Variants in PDZRN3 observed in about 807,000 individuals in gnomAD.
PDZRN3 encodes the protein E3 ubiquitin-protein ligase PDZRN3.
A neutral mutation model predicts 85.7 loss-of-function variants in PDZRN3; 38 were observed. The observed-to-expected ratio is 0.44, with a 90% CI of 0.34 to 0.58. The LOEUF is 0.58. Among genes scored for constraint, PDZRN3 ranks in the 20% least tolerant of loss-of-function variants. The probability of loss-of-function intolerance (pLI) is 0.01; values close to 1 mark genes in which losing one functional copy is unlikely to be tolerated. For synonymous variants in PDZRN3, 759 were observed against 638.0 expected, an observed-to-expected ratio of 1.19 and a Z score of -2.86; for missense variants, 1,629 against 1,506.4, an observed-to-expected ratio of 1.08 and a Z score of -1.35.
At chr3:73,531,232 C>G (rs1704646435) in intron 3 of PDZRN3, among the ~76,000 whole-genome samples, 1 of 122,324 alleles carries the variant, frequency 8.2e-6, no homozygotes, top group Non-Finnish European at 1.6e-5. Context: ...GCCTGGGTGA[C>G]AGAGCGAGAC....
chr3:73,410,143 T>C (rs996382885), intron 3 of PDZRN3, among the ~76,000 whole-genome samples: 2 of 152,198 alleles, frequency 1.3e-5, no homozygotes, highest in African/African-American at 2.4e-5. Flanking sequence ...ATACACTATA[T>C]ACTGAAAAGT....
Position 73,473,473 on chromosome 3 carries a change from A to G in PDZRN3, c.919-69078T>C, listed in dbSNP as rs1293260947. On this transcript the variant is annotated intron_variant, in intron 3 of 9. Coordinates refer to ENST00000263666, the MANE Select transcript of PDZRN3 (RefSeq NM_015009.3). The stretch of plus-strand genomic sequence containing the variant: ...ATTGTTGGTGGCAAAGAGGAAAAAA[A>G]AAAACAGAAATTGGAGATACATAGG... Among the ~76,000 whole-genome samples the G allele has an allele frequency of 3.9e-5, 6 of 152,278 alleles. No homozygotes were observed. The East Asian group carries it at 7.7e-4, about 20-fold the overall frequency.
At chr3:73,511,722 A>ATC (rs1413611560) in intron 3 of PDZRN3, among the ~76,000 whole-genome samples, 2 of 152,208 alleles carry the variant, frequency 1.3e-5, no homozygotes, top group African/African-American at 4.8e-5. Context: ...CGGCTAACAA[A>ATC]TCCATGTATT....
At chr3:73,511,601 G>T (rs1026386841) in intron 3 of PDZRN3, among the ~76,000 whole-genome samples, 13 of 152,242 alleles carry the variant, frequency 8.5e-5, no homozygotes, top group African/African-American at 3.1e-4. Flanking sequence ...GAGGGGAACA[G>T]ATCTGGGGAT....
At chr3:73,399,724 C>G (rs1701712205) in intron 5 of PDZRN3, among the ~76,000 whole-genome samples, 1 of 152,086 alleles carries the variant, frequency 6.6e-6, no homozygotes, top group Non-Finnish European at 1.5e-5. Flanking sequence ...CAAGCAGAAA[C>G]AGTCAAGTTT....
chr3:73,506,809 C>CG (rs943615489), intron 3 of PDZRN3, among the ~76,000 whole-genome samples: 1 of 151,316 alleles, frequency 6.6e-6, no homozygotes, highest in African/African-American at 2.4e-5. Flanking sequence ...GGGAGGTTGA[C>CG]GCAGGAGGAT....
chr3:73,386,966 G>A (rs970479892), intron 8 of PDZRN3, among the ~76,000 whole-genome samples: 3 of 152,174 alleles, frequency 2.0e-5, no homozygotes, highest in African/African-American at 7.2e-5. Context: ...GAGGGACCTC[G>A]TGGGAGATAA....
chr3:73,549,521 T>C (rs1042962958), intron 3 of PDZRN3, among the ~76,000 whole-genome samples: 4 of 152,188 alleles, frequency 2.6e-5, no homozygotes, highest in African/African-American at 9.7e-5. Flanking sequence ...AAATGGACGA[T>C]GATGCAGCAA....
At chr3:73,454,810 C>T (rs1274553540) in intron 3 of PDZRN3, among the ~76,000 whole-genome samples, 1 of 151,728 alleles carries the variant, frequency 6.6e-6, no homozygotes, top group African/African-American at 2.4e-5. Context: ...AAAGCATGAA[C>T]AAATACTACA....
At chr3:73,509,008 A>T (rs1234546086) in intron 3 of PDZRN3, among the ~76,000 whole-genome samples, 2 of 152,206 alleles carry the variant, frequency 1.3e-5, no homozygotes, top group Admixed American at 6.5e-5. Flanking sequence ...CCAGGCTCTC[A>T]GCATTTATCT....
intron 3 of PDZRN3, among the ~76,000 whole-genome samples, chr3:73,595,860 G>A (rs577530537): frequency 1.3e-5 from 2 of 152,224 alleles, no homozygotes; most frequent in African/African-American, 4.8e-5. Flanking sequence ...TTATTATCGT[G>A]GTACATGTGT....
At chr3:73,550,388 C>A (rs926372106) in intron 3 of PDZRN3, among the ~76,000 whole-genome samples, 1 of 152,176 alleles carries the variant, frequency 6.6e-6, no homozygotes, top group Non-Finnish European at 1.5e-5. Context: ...CCTGGCTGCA[C>A]ATTATAATCA....
At chr3:73,460,536 G>T (rs1703082006) in intron 3 of PDZRN3, among the ~76,000 whole-genome samples, 1 of 152,190 alleles carries the variant, frequency 6.6e-6, no homozygotes, top group South Asian at 2.1e-4. Flanking sequence ...TACAAAGTAA[G>T]AAATTTAAAA....
intron 3 of PDZRN3, among the ~76,000 whole-genome samples, chr3:73,515,091 G>A (rs1262034136): frequency 6.6e-6 from 1 of 151,604 alleles, no homozygotes; most frequent in African/African-American, 2.4e-5. Flanking sequence ...AGAAACAAAG[G>A]ACTCCAAGGA....
In PDZRN3 at chr3:73,481,947, G is replaced by A. The variant is rs533883323; in HGVS notation, c.919-77552C>T. Among the ~76,000 whole-genome samples, 9 of 152,132 alleles carry A rather than the reference G, an allele frequency of 5.9e-5. No individual in the cohort carries two copies. The East Asian group carries it at 1.5e-3, about 26-fold the overall frequency. ...AAAGCTAGCTAGTGGTAGCATTAAG[G>A]ACTAAACACAGATGTCCTAAATCAC... On this transcript the variant is annotated intron_variant, in intron 3 of 9. Coordinates refer to ENST00000263666, the MANE Select transcript of PDZRN3 (RefSeq NM_015009.3).
At chr3:73,474,340 T>C in intron 3 of PDZRN3, 1 of 483,316 alleles carries the variant, frequency 2.1e-6, no homozygotes, top group Middle Eastern at 8.4e-4. Context: ...GGAAGTTTAC[T>C]TTACCTATGC....
chr3:73,425,422 G>A (rs1455878502), intron 3 of PDZRN3, among the ~76,000 whole-genome samples: 8 of 152,066 alleles, frequency 5.3e-5, no homozygotes, highest in African/African-American at 1.7e-4. Flanking sequence ...AAAGTGTGGC[G>A]CACAGTGTTT....
rs544317420 is a variant in PDZRN3, at chr3:73,456,825, G to A, written c.919-52430C>T. On this transcript the variant is annotated intron_variant, in intron 3 of 9. Transcript: ENST00000263666. ...ACCACAGGCATAAATACTGCCCAGCGTGGTATAAAATTTAGCCAGAGAGAT... is the reference window on the plus strand; with the variant it reads ...ACCACAGGCATAAATACTGCCCAGCATGGTATAAAATTTAGCCAGAGAGAT... Among the ~76,000 whole-genome samples, 8 of 152,156 alleles carry A rather than the reference G, an allele frequency of 5.3e-5. No individual in the cohort carries two copies. The South Asian group carries it at 6.2e-4, about 12-fold the overall frequency.
intron 1 of PDZRN3, among the ~76,000 whole-genome samples, chr3:73,621,537 C>G (rs1256186976): frequency 6.6e-6 from 1 of 152,206 alleles, no homozygotes; most frequent in Non-Finnish European, 1.5e-5. Context: ...TCTTAAACAG[C>G]TTCCAATGGG....
Sources: allele counts gnomAD v4.1 joint callset (sites outside exome capture counted in the v4.1 genomes callset), GRCh38; gene constraint gnomAD v4.1.1; transcripts MANE v1.5; gene names NCBI Gene and HGNC (gene_info 2026-07-23, HGNC 2026-07-21).